The following SPATA17 variants were observed in gnomAD, a reference collection of about 807,000 sequenced individuals.
SPATA17 encodes spermatogenesis-associated protein 17.
In SPATA17, 53 loss-of-function variants were observed where a neutral mutation model predicts 62.2. The ratio of observed to expected loss-of-function variants is 0.85; its 90% CI spans 0.68 to 1.07. The LOEUF (loss-of-function observed/expected upper bound fraction) is 1.07. Ranked by LOEUF, SPATA17 falls within the 50% of genes least tolerant of loss-of-function variation. The pLI is 0.00. For missense variants in SPATA17, 466 were observed against 425.5 expected (o/e 1.10, Z -0.84); for synonymous variants, 146 against 146.8 (o/e 0.99, Z 0.04).
intron 9 of SPATA17, among the ~76,000 whole-genome samples, chr1:217,812,505 T>G (rs1674615580): frequency 6.6e-6 from 1 of 152,138 alleles, no homozygotes; most frequent in Non-Finnish European, 1.5e-5. Context: ...ATTTACTCAT[T>G]TTTTTAATCT....
chr1:217,801,989 A>T, intron 9 of SPATA17, 139 bp downstream of exon 9: 2 of 905,158 alleles, frequency 2.2e-6, no homozygotes, highest in Admixed American at 6.6e-5. Context: ...TTAGGTAAAG[A>T]TGGTGCTGCT....
chr1:217,668,888 C>T (rs1381913023), intron 3 of SPATA17, 145 bp from the exon 4 acceptor site: 1 of 728,426 alleles, frequency 1.4e-6, no homozygotes. Flanking sequence ...CCTATCTCTT[C>T]AATACAACAT....
At chr1:217,773,967 C>T (rs7548909) in intron 6 of SPATA17, among the ~76,000 whole-genome samples, 42,170 of 151,946 alleles carry the variant, frequency 0.28, 6,276 homozygotes, top group East Asian at 0.52. Flanking sequence ...ATGACTTACA[C>T]GTATAGTTAA....
chr1:217,841,729 T>C (rs1414922626), intron 9 of SPATA17, among the ~76,000 whole-genome samples: 1 of 151,804 alleles, frequency 6.6e-6, no homozygotes, highest in African/African-American at 2.4e-5. Context: ...TTCAAGACCA[T>C]GTTATGAATA....
chr1:217,706,152 A>G (rs1289602256), intron 5 of SPATA17, among the ~76,000 whole-genome samples: 1 of 152,102 alleles, frequency 6.6e-6, no homozygotes, highest in Non-Finnish European at 1.5e-5. Flanking sequence ...TGATGCTGCT[A>G]GCTTTGTTCT....
At chr1:217,733,214 A>G (rs1398375319) in intron 5 of SPATA17, among the ~76,000 whole-genome samples, 1 of 152,184 alleles carries the variant, frequency 6.6e-6, no homozygotes, top group Non-Finnish European at 1.5e-5. Context: ...TCTTGTCTAT[A>G]GAGAATAAAT....
At chr1:217,664,432 G>T (rs1171502321) in intron 3 of SPATA17, among the ~76,000 whole-genome samples, 2 of 151,672 alleles carry the variant, frequency 1.3e-5, no homozygotes, top group African/African-American at 2.4e-5. Context: ...TGGGATTACA[G>T]GTGCTCACCA....
rs879586797 is a variant in SPATA17 at position 217,668,110 on chromosome 1, CAAT to C, written c.241-922_241-920del. Among the ~76,000 whole-genome samples, 321 of 152,268 alleles carry C rather than the reference CAAT, an allele frequency of 2.1e-3. 2 individuals are homozygous for C. The highest frequency in any genetic ancestry group is 0.015 in the Admixed American group (222 of 15,296). On this transcript the variant is annotated intron_variant, in intron 3 of 10. Coordinates refer to ENST00000366933, the MANE Select transcript of SPATA17 (RefSeq NM_138796.4). ...TTTCTGATTTTTGCCTGAAACATAA[CAAT>C]TATTACCTGGGCTCAAGTTATAGTG...
At chr1:217,674,381 G>A (rs540133090) in intron 4 of SPATA17, among the ~76,000 whole-genome samples, 2 of 152,224 alleles carry the variant, frequency 1.3e-5, no homozygotes, top group African/African-American at 4.8e-5. Context: ...ATTTTTCTTG[G>A]TCGTTTTGCA....
At chr1:217,866,839 C>A (rs75366124) in intron 10 of SPATA17, 183 bp from the exon 11 acceptor site, 3 of 146,628 alleles carry the variant, frequency 2.0e-5, no homozygotes, top group Non-Finnish European at 3.0e-5. Context: ...TTCTGAAGTT[C>A]CTTTTTTTTT....
At chr1:217,745,727 A>G (rs1325148285) in intron 6 of SPATA17, among the ~76,000 whole-genome samples, 1 of 152,114 alleles carries the variant, frequency 6.6e-6, no homozygotes, top group Non-Finnish European at 1.5e-5. Flanking sequence ...AATATATACT[A>G]TGTAATCTTT....
intron 5 of SPATA17, among the ~76,000 whole-genome samples, chr1:217,718,543 C>T (rs1028457714): frequency 3.3e-5 from 5 of 152,086 alleles, no homozygotes; most frequent in Admixed American, 6.6e-5. Context: ...AGGAACCTGA[C>T]GGAAACATTT....
intron 4 of SPATA17, among the ~76,000 whole-genome samples, chr1:217,669,340 A>T (rs1026664421): frequency 6.6e-6 from 1 of 152,210 alleles, no homozygotes; most frequent in Non-Finnish European, 1.5e-5. Context: ...CTAGAGAAAG[A>T]CTTAAATATT....
rs557717411 is a variant in SPATA17, at chr1:217,722,842, T to C, written c.396-19133T>C. On this transcript the variant is annotated intron_variant, in intron 5 of 10. Transcript: ENST00000366933. ...GTCTGCAAGGTATCGTGACTTTTTT[T>C]TTTCCTGCTGAGGAAGTCCCTCTGG... Among the ~76,000 whole-genome samples the C allele has an allele frequency of 5.3e-5, 8 of 152,282 alleles. No homozygotes were observed. In the East Asian group the frequency reaches 1.4e-3, roughly 26 times the overall value.
chr1:217,784,452 A>T (rs11576600), intron 8 of SPATA17, among the ~76,000 whole-genome samples: 66,181 of 151,900 alleles, frequency 0.44, 15,812 homozygotes, highest in Non-Finnish European at 0.55. Context: ...GCAGTGTGTT[A>T]TAGTAGAAGT....
At chr1:217,819,739 C>G (rs1380688417) in intron 9 of SPATA17, among the ~76,000 whole-genome samples, 1 of 151,860 alleles carries the variant, frequency 6.6e-6, no homozygotes, top group East Asian at 1.9e-4. Context: ...TTCTTTATTT[C>G]CTAGTAAGGC....
At chr1:217,860,403 T>C (rs1357491193) in intron 9 of SPATA17, among the ~76,000 whole-genome samples, 1 of 152,144 alleles carries the variant, frequency 6.6e-6, no homozygotes, top group Non-Finnish European at 1.5e-5. Context: ...TCTATAGATG[T>C]CAATTATATA....
chr1:217,756,313 A>T (rs1489210413), intron 6 of SPATA17, among the ~76,000 whole-genome samples: 1 of 125,144 alleles, frequency 8.0e-6, no homozygotes, highest in Non-Finnish European at 1.9e-5. Flanking sequence ...GCCCAAATAT[A>T]TTTTTTGTGG....
chr1:217,659,142 T>C (rs1670508448), intron 3 of SPATA17, among the ~76,000 whole-genome samples: 1 of 150,932 alleles, frequency 6.6e-6, no homozygotes, highest in Non-Finnish European at 1.5e-5. Context: ...ATTAAATAAA[T>C]TAATTTAAAA....
Sources: allele counts gnomAD v4.1 joint callset (sites outside exome capture counted in the v4.1 genomes callset), GRCh38; gene constraint gnomAD v4.1.1; transcripts MANE v1.5; gene names NCBI Gene and HGNC (gene_info 2026-07-23, HGNC 2026-07-21).